Variants in RIMS1 observed in about 807,000 individuals in gnomAD.
RIMS1 encodes the protein regulating synaptic membrane exocytosis protein 1.
Under a neutral mutation model 214.1 loss-of-function variants are expected in RIMS1, and 83 were observed. That is an observed-to-expected ratio of 0.39 (90% CI 0.32 to 0.47). The LOEUF is 0.47. RIMS1 is among the 20% of genes least tolerant of loss of function. RIMS1 has a pLI of 0.99. For missense variants in RIMS1, 2,050 were observed against 2,161.8 expected, an observed-to-expected ratio of 0.95 and a Z score of 1.03; for synonymous variants, 793 against 786.8, an observed-to-expected ratio of 1.01 and a Z score of -0.13.
chr6:72,250,953 A>G lies in RIMS1; in HGVS notation c.2405A>G (p.Lys802Arg), dbSNP rs1326597880. 11 of 1,533,804 alleles carry G rather than the reference A, an allele frequency of 7.2e-6. No homozygotes were observed. Among genetic ancestry groups the G allele is most frequent in the Middle Eastern group, 1.7e-4 (1 of 5,876 alleles). The stretch of plus-strand genomic sequence containing the variant: ...AGTAAAAGGAGGACCAAAACAGTAA[A>G]GAAAATACTAGAACCAAAATGGAAT... ...DKSKRRTKTV[K>R]KILEPKWNQT... The change falls in exon 14 of 34, where the codon AAG becomes AGG. Residue 802 changes from lysine to arginine, a missense_variant. Transcript: ENST00000521978.
chr6:72,369,414 C>T (rs1233727253), intron 29 of RIMS1, among the ~76,000 whole-genome samples: 1 of 151,864 alleles, frequency 6.6e-6, no homozygotes, highest in African/African-American at 2.4e-5. Flanking sequence ...ATCTGTAGGA[C>T]ATGTATATTA....
chr6:71,926,893 G>A (rs894314889), intron 1 of RIMS1, among the ~76,000 whole-genome samples: 1 of 151,962 alleles, frequency 6.6e-6, no homozygotes, highest in African/African-American at 2.4e-5. Context: ...TAGAATAGAA[G>A]GATGAATAGG....
chr6:71,912,219 C>G (rs1050972834), intron 1 of RIMS1, among the ~76,000 whole-genome samples: 1 of 152,070 alleles, frequency 6.6e-6, no homozygotes, highest in Non-Finnish European at 1.5e-5. Context: ...AGGAAATACA[C>G]GTTTCAAAGA....
chr6:71,890,142 T>A (rs1442235860), intron 1 of RIMS1, among the ~76,000 whole-genome samples: 2 of 152,174 alleles, frequency 1.3e-5, no homozygotes, highest in African/African-American at 4.8e-5. Context: ...CTAGTTGAAT[T>A]TGGCTTTGAG....
At chr6:72,114,121 G>A (rs1261431202) in intron 4 of RIMS1, among the ~76,000 whole-genome samples, 5 of 152,140 alleles carry the variant, frequency 3.3e-5, no homozygotes, top group Non-Finnish European at 7.4e-5. Context: ...TGTCATTGGT[G>A]AAGTAAGATA....
At chr6:72,190,645 A>G (rs1225552062) in intron 6 of RIMS1, among the ~76,000 whole-genome samples, 1 of 152,046 alleles carries the variant, frequency 6.6e-6, no homozygotes, top group African/African-American at 2.4e-5. Flanking sequence ...CCATAGGTGC[A>G]TGCTGTGGGG....
At chr6:72,251,780 G>A (rs1048104542) in intron 15 of RIMS1, among the ~76,000 whole-genome samples, 4 of 151,596 alleles carry the variant, frequency 2.6e-5, no homozygotes, top group South Asian at 2.1e-4. Context: ...GCGTGATCTC[G>A]GCTCACTGCA....
At chr6:72,143,089 G>A (rs960666950) in intron 4 of RIMS1, among the ~76,000 whole-genome samples, 1 of 152,086 alleles carries the variant, frequency 6.6e-6, no homozygotes, top group Non-Finnish European at 1.5e-5. Context: ...TAGTGTTCAT[G>A]GTGGTTGATG....
At position 72,390,718 on chromosome 6, in the gene RIMS1, G is replaced by A. The variant is rs766919105; in HGVS notation, c.4487G>A (p.Ser1496Asn). 1.1e-5 allele frequency: 17 copies of A among 1,613,744 alleles called. No individual in the cohort carries two copies. The highest frequency in any genetic ancestry group is 1.4e-5 in the Non-Finnish European group (16 of 1,179,796). ...SRESTDGSIN[S>N]YSSEGNLIFP... ...GAGTCTACTGATGGCAGCATCAACAGTTACAGCTCTGAGGGCAAGTAAGTG... is the reference window on the plus strand; with the variant it reads ...GAGTCTACTGATGGCAGCATCAACAATTACAGCTCTGAGGGCAAGTAAGTG... Residue 1496 changes from serine (S) to asparagine (N), a missense_variant, in exon 30 of 34, where the codon AGT becomes AAT. This residue lies in a region of RIMS1 where 121 missense variants were observed against 187.3 expected (regional missense o/e 0.65). Transcript: ENST00000521978.
At chr6:72,148,521 T>G in intron 4 of RIMS1, 1 of 450,080 alleles carries the variant, frequency 2.2e-6, no homozygotes, top group Non-Finnish European at 4.5e-6. Context: ...TTATTTGCAC[T>G]CACCTAATGC....
At chr6:71,939,516 A>G (rs540667670) in intron 1 of RIMS1, among the ~76,000 whole-genome samples, 1 of 152,316 alleles carries the variant, frequency 6.6e-6, no homozygotes, top group African/African-American at 2.4e-5. Flanking sequence ...ACTATCACAG[A>G]CTAGATAATT....
intron 26 of RIMS1, among the ~76,000 whole-genome samples, chr6:72,293,739 A>G (rs960343870): frequency 1.3e-4 from 19 of 151,778 alleles, no homozygotes; most frequent in Non-Finnish European, 2.5e-4. Context: ...AATAAGTTGT[A>G]TTGTATGTTG....
intron 29 of RIMS1, among the ~76,000 whole-genome samples, chr6:72,371,217 G>A (rs923489679): frequency 2.0e-5 from 3 of 151,998 alleles, no homozygotes; most frequent in Admixed American, 2.0e-4. Flanking sequence ...TGGTTCTTAT[G>A]CAAATTTATT....
chr6:72,060,674 T>G (rs1196473444), intron 2 of RIMS1, among the ~76,000 whole-genome samples: 2 of 152,220 alleles, frequency 1.3e-5, no homozygotes, highest in Non-Finnish European at 2.9e-5. Flanking sequence ...TTTTAGGTCC[T>G]CTAAGCCTGG....
At position 72,233,768 on chromosome 6, in the gene RIMS1, C is replaced by T. The variant is rs1300787946; in HGVS notation, c.1679-5C>T. The T allele has an allele frequency of 1.9e-6, 3 of 1,561,000 alleles. No individual in the cohort carries two copies. Among genetic ancestry groups the T allele is most frequent in the Non-Finnish European group, 1.7e-6 (2 of 1,148,704 alleles). ...TACACTTTTCATTCTTTTTGTATTG[C>T]ACAGGTGATTTGGATTATTACTGGT... On this transcript the variant is annotated splice_region_variant and splice_polypyrimidine_tract_variant and intron_variant, in intron 6 of 33. Transcript: ENST00000521978.
intron 1 of RIMS1, among the ~76,000 whole-genome samples, chr6:71,914,663 A>G (rs1024992214): frequency 3.9e-5 from 6 of 152,292 alleles, no homozygotes; most frequent in East Asian, 1.9e-4. Flanking sequence ...TTCTTATTCT[A>G]TAAAACCACC....
intron 29 of RIMS1, among the ~76,000 whole-genome samples, chr6:72,378,753 C>T (rs942119152): frequency 2.0e-5 from 3 of 152,136 alleles, no homozygotes; most frequent in Admixed American, 1.3e-4. Flanking sequence ...GCAGAAGAAT[C>T]GCTTAAACCT....
chr6:72,133,230 CT>C (rs55723782), intron 4 of RIMS1, among the ~76,000 whole-genome samples: 23,117 of 144,040 alleles, frequency 0.16, 1,877 homozygotes, highest in Middle Eastern at 0.21. Context: ...TCTTTTCTCT[CT>C]TTTTTTTTTT....
intron 29 of RIMS1, among the ~76,000 whole-genome samples, chr6:72,371,902 A>G (rs2098232894): frequency 6.6e-6 from 1 of 152,214 alleles, no homozygotes; most frequent in South Asian, 2.1e-4. Flanking sequence ...TCCTCATCCA[A>G]AAAACTGAAA....
Sources: allele counts gnomAD v4.1 joint callset (sites outside exome capture counted in the v4.1 genomes callset), GRCh38; gene constraint gnomAD v4.1.1; regional missense constraint gnomAD v4.1.1; transcripts MANE v1.5; gene names NCBI Gene and HGNC (gene_info 2026-07-23, HGNC 2026-07-21).